The following AGPS variants were observed in gnomAD, a reference collection of about 807,000 sequenced individuals.
AGPS encodes the protein alkylglycerone phosphate synthase, also known as alkyldihydroxyacetonephosphate synthase, peroxisomal.
Under a neutral mutation model 90.7 loss-of-function variants are expected in AGPS, and 26 were observed. The ratio of observed to expected loss-of-function variants is 0.29; its 90% CI spans 0.21 to 0.40. The LOEUF is 0.40. AGPS is among the 10% of genes least tolerant of loss of function. AGPS has a pLI of 1.00. For missense variants in AGPS, 540 were observed against 816.1 expected, an observed-to-expected ratio of 0.66 and a Z score of 4.12; for synonymous variants, 294 against 285.3, an observed-to-expected ratio of 1.03 and a Z score of -0.31.
chr2:177,537,470 A>G (rs1231364060), intron 19 of AGPS, among the ~76,000 whole-genome samples: 1 of 151,942 alleles, frequency 6.6e-6, no homozygotes, highest in African/African-American at 2.4e-5. Flanking sequence ...CTGGAAAAAC[A>G]GTAGGAAGAA....
chr2:177,490,846 CTTTT>C (rs61555724), intron 11 of AGPS, among the ~76,000 whole-genome samples: 14 of 58,200 alleles, frequency 2.4e-4, no homozygotes, highest in African/African-American at 8.0e-4. Flanking sequence ...AAGTTGCAGA[CTTTT>C]TTTTTTTTTT....
chr2:177,493,159 G>A lies in AGPS; in HGVS notation c.1245G>A (p.Pro415=), dbSNP rs200344160. The A allele has an allele frequency of 1.7e-5, 27 of 1,612,526 alleles. 1 individual carries two copies. The Admixed American group carries it at 2.2e-4, about 13-fold the overall frequency. ...LREIAKQRCA[P]ASIRLMDNKQ... is the part of the protein sequence containing the mutation. ...TCTTTTTAAAACAGAGATGTGCTCC[G>A]GCATCTATTCGCCTCATGGACAACA... is the stretch of plus-strand genomic sequence containing the variant. The change falls in exon 12 of 20, where the codon CCG becomes CCA. Residue 415 remains proline (P), a synonymous_variant. Transcript: ENST00000264167.
intron 8 of AGPS, among the ~76,000 whole-genome samples, chr2:177,450,719 G>A (rs918806480): frequency 4.0e-5 from 6 of 151,594 alleles, no homozygotes; most frequent in Non-Finnish European, 7.4e-5. Context: ...GCTATTCTAG[G>A]TTCTTTGTAT....
intron 14 of AGPS, 135 bp from the exon 15 acceptor site, chr2:177,505,371 A>C (rs1688679628): frequency 2.6e-6 from 2 of 773,272 alleles, no homozygotes; most frequent in Admixed American, 4.7e-5. Flanking sequence ...GTTTGAAATT[A>C]AGATGAAACA....
chr2:177,534,545 A>G (rs945299809), intron 19 of AGPS, among the ~76,000 whole-genome samples: 1 of 64,410 alleles, frequency 1.6e-5, no homozygotes, highest in African/African-American at 5.1e-5. Context: ...ACAGCCCCCC[A>G]CCCCCCGCCC....
chr2:177,533,401 C>G (rs1574038786), intron 19 of AGPS, among the ~76,000 whole-genome samples: 1 of 152,100 alleles, frequency 6.6e-6, no homozygotes, highest in East Asian at 1.9e-4. Flanking sequence ...CCCCCCACCC[C>G]TGTGTGACTA....
chr2:177,507,169 A>G (rs1399882836), intron 15 of AGPS, among the ~76,000 whole-genome samples: 2 of 152,040 alleles, frequency 1.3e-5, no homozygotes, highest in Non-Finnish European at 2.9e-5. Flanking sequence ...CAGATCAGTA[A>G]TTTGGGGATT....
At chr2:177,526,227 CTTTTTTT>C (rs749224337) in intron 19 of AGPS, among the ~76,000 whole-genome samples, 135 of 124,302 alleles carry the variant, frequency 1.1e-3, no homozygotes, top group African/African-American at 4.0e-3. Context: ...AGCTTCTTGT[CTTTTTTT>C]TTTTTTTTTT....
intron 10 of AGPS, among the ~76,000 whole-genome samples, chr2:177,478,275 T>C (rs541687600): frequency 4.1e-4 from 62 of 152,192 alleles, no homozygotes; most frequent in Non-Finnish European, 6.5e-4. Context: ...GTTTTCAAGA[T>C]TTTTCTCTTG....
chr2:177,400,406 T>C (rs1295186227), intron 1 of AGPS, among the ~76,000 whole-genome samples: 2 of 152,178 alleles, frequency 1.3e-5, no homozygotes, highest in Non-Finnish European at 2.9e-5. Context: ...AAAATATCAA[T>C]TTTTTGTATA....
intron 19 of AGPS, among the ~76,000 whole-genome samples, chr2:177,528,071 C>T (rs562682571): frequency 5.3e-5 from 8 of 152,142 alleles, no homozygotes; most frequent in Admixed American, 2.0e-4. Flanking sequence ...TGGAGTCTTC[C>T]AGGGCTCAGC....
Position 177,468,502 on chromosome 2 carries a change from T to G in AGPS, c.1083T>G (p.His361Gln). ...GPRMSTGPDI[H>Q]HFIMGSEGTL... ...GTATGTCAACAGGCCCTGATATCCA[T>G]CACTTCATCATGGGATCTGAAGGTA... The change falls in exon 10 of 20, where the codon CAT (histidine) becomes CAG (glutamine). Residue 361 changes from histidine to glutamine, a missense_variant. Physicochemically the swap from His to Gln is conservative, Grantham distance 24. Transcript: ENST00000264167. The G allele has an allele frequency of 1.2e-6, 2 of 1,611,520 alleles. No individual in the cohort carries two copies. The highest frequency in any genetic ancestry group is 1.3e-5 in the African/African-American group (1 of 74,986).
At chr2:177,499,911 T>G (rs1343342252) in intron 14 of AGPS, among the ~76,000 whole-genome samples, 181 bp downstream of exon 14, 4 of 151,944 alleles carry the variant, frequency 2.6e-5, no homozygotes, top group African/African-American at 9.7e-5. Context: ...CTTAAAATAT[T>G]GTTTTGGTTT....
chr2:177,425,622 GAA>G (rs1159060576), intron 2 of AGPS, among the ~76,000 whole-genome samples: 2 of 95,264 alleles, frequency 2.1e-5, no homozygotes, highest in Non-Finnish European at 2.0e-5. Context: ...ACTCTGCCTA[GAA>G]AAAAAAAAAA....
At chr2:177,535,834 C>G (rs548635222) in intron 19 of AGPS, among the ~76,000 whole-genome samples, 18 of 152,060 alleles carry the variant, frequency 1.2e-4, no homozygotes, top group African/African-American at 4.3e-4. Flanking sequence ...AGACCTCTGC[C>G]ACGAAGGGGT....
chr2:177,416,229 T>C (rs1685780291), intron 1 of AGPS, among the ~76,000 whole-genome samples: 1 of 152,116 alleles, frequency 6.6e-6, no homozygotes, highest in East Asian at 1.9e-4. Flanking sequence ...AAGAAACTCT[T>C]TATGGTTTTT....
intron 17 of AGPS, among the ~76,000 whole-genome samples, chr2:177,515,335 A>G (rs1420202429): frequency 6.6e-6 from 1 of 152,166 alleles, no homozygotes; most frequent in African/African-American, 2.4e-5. Flanking sequence ...CAAATCAGAC[A>G]TAATAATCCA....
intron 10 of AGPS, among the ~76,000 whole-genome samples, chr2:177,481,335 A>G (rs557974776): frequency 1.3e-5 from 2 of 151,970 alleles, no homozygotes; most frequent in African/African-American, 4.8e-5. Flanking sequence ...TCCCTCTTAT[A>G]ATAAAGAAAA....
chr2:177,473,507 T>A (rs2105682498), intron 10 of AGPS, among the ~76,000 whole-genome samples: 1 of 152,280 alleles, frequency 6.6e-6, no homozygotes, highest in Non-Finnish European at 1.5e-5. Flanking sequence ...CATACAAGCC[T>A]CTCTGATGTC....
Sources: gnomAD v4.1 joint callset for allele counts (sites outside exome capture counted in the v4.1 genomes callset) on GRCh38, gnomAD v4.1.1 for gene constraint, MANE v1.5 for transcripts, NCBI Gene and HGNC (gene_info 2026-07-23, HGNC 2026-07-21) for gene names.